The following DMD variants were observed in gnomAD, a reference collection of about 807,000 sequenced individuals.
DMD encodes dystrophin, also known as mutant dystrophin.
DMD carries 63 observed loss-of-function variants against 330.1 expected under a neutral mutation model. The observed-to-expected ratio is 0.19, with a 90% CI of 0.16 to 0.24. The LOEUF is 0.24. Ranked by LOEUF, DMD falls within the 10% of genes least tolerant of loss-of-function variation. The pLI, the probability that DMD is intolerant of heterozygous loss-of-function variation, is 1.00. For synonymous variants in DMD, 1,223 were observed against 959.8 expected (o/e 1.27, Z -5.07); for missense variants, 3,344 against 2,684.1 (o/e 1.25, Z -5.43).
chrX:32,611,389 G>A lies in DMD; in HGVS notation c.1482+2914C>T, dbSNP rs544144720. Among the ~76,000 whole-genome samples the A allele has an allele frequency of 1.8e-4, 20 of 110,826 alleles. 1 individual carries two copies. In the South Asian group the frequency reaches 7.1e-3, roughly 39 times the overall value. On this transcript the variant is annotated intron_variant, in intron 12 of 78. Coordinates refer to ENST00000357033, the MANE Select transcript of DMD (RefSeq NM_004006.3). ...AGGTAAAATGTTACATAATCAACTTGCATATACTCCTGTTGCCTTCTTTTG... is the reference window on the plus strand; with the variant it reads ...AGGTAAAATGTTACATAATCAACTTACATATACTCCTGTTGCCTTCTTTTG...
intron 41 of DMD, among the ~76,000 whole-genome samples, chrX:32,340,773 T>C (rs748720811): frequency 1.8e-5 from 2 of 112,047 alleles, no homozygotes; most frequent in South Asian, 3.7e-4. Context: ...GCTTGCTGGT[T>C]AGTGTAAGGT....
intron 7 of DMD, among the ~76,000 whole-genome samples, chrX:32,725,522 C>G (rs1018885585): frequency 9.1e-6 from 1 of 110,012 alleles, no homozygotes; most frequent in Non-Finnish European, 1.9e-5. Flanking sequence ...GATTTCAAGA[C>G]AAAAACAAAG....
At chrX:32,282,895 C>G (rs1487416319) in intron 43 of DMD, among the ~76,000 whole-genome samples, 1 of 112,166 alleles carries the variant, frequency 8.9e-6, no homozygotes, top group Non-Finnish European at 1.9e-5. Flanking sequence ...TTAACTATCT[C>G]TAATAATTTG....
At chrX:32,797,140 G>A (rs971642216) in intron 7 of DMD, among the ~76,000 whole-genome samples, 1 of 110,932 alleles carries the variant, frequency 9.0e-6, no homozygotes, top group East Asian at 2.8e-4. Flanking sequence ...GTGGGATGGG[G>A]GGACAGGGCC....
chrX:33,306,121 A>G (rs909557726), intron 1 of DMD, among the ~76,000 whole-genome samples: 2 of 111,771 alleles, frequency 1.8e-5, no homozygotes, highest in African/African-American at 6.5e-5. Context: ...TGAAATTGCA[A>G]TGAGAGAGCT....
intron 74 of DMD, among the ~76,000 whole-genome samples, chrX:31,167,346 C>T (rs2039524588): frequency 9.0e-6 from 1 of 111,421 alleles, no homozygotes; most frequent in South Asian, 3.8e-4. Flanking sequence ...TGTAAAAGTG[C>T]ACTCAAAATG....
chrX:32,100,707 G>A (rs774608796), intron 44 of DMD, among the ~76,000 whole-genome samples: 211 of 110,791 alleles, frequency 1.9e-3, no homozygotes, highest in African/African-American at 6.7e-3. Flanking sequence ...CCGTGCATCC[G>A]TCAAAGGCTT....
intron 7 of DMD, among the ~76,000 whole-genome samples, chrX:32,768,312 T>G (rs763560054): frequency 8.9e-6 from 1 of 111,906 alleles, no homozygotes; most frequent in Non-Finnish European, 1.9e-5. Flanking sequence ...CTGGATGTGT[T>G]TCTTGGAGAT....
intron 2 of DMD, among the ~76,000 whole-genome samples, chrX:32,922,473 T>C (rs1180489841): frequency 1.8e-5 from 2 of 112,306 alleles, no homozygotes; most frequent in Non-Finnish European, 3.8e-5. Context: ...CACCAGGGAC[T>C]GGTTTCGTGG....
intron 12 of DMD, among the ~76,000 whole-genome samples, chrX:32,612,288 A>G (rs1250251579): frequency 9.0e-6 from 1 of 111,192 alleles, no homozygotes; most frequent in Non-Finnish European, 1.9e-5. Context: ...CACTAATTCC[A>G]CTTCCTGTCC....
At chrX:31,946,953 G>A (rs1291075626) in intron 45 of DMD, among the ~76,000 whole-genome samples, 2 of 111,047 alleles carry the variant, frequency 1.8e-5, no homozygotes, top group Middle Eastern at 4.2e-3. Flanking sequence ...ATGAAAATGA[G>A]AGTAAAATAA....
chrX:31,731,884 T>G (rs935780551), intron 51 of DMD, among the ~76,000 whole-genome samples: 1 of 111,635 alleles, frequency 9.0e-6, no homozygotes, highest in Non-Finnish European at 1.9e-5. Context: ...TAAAAGTAAG[T>G]TGATCAACTT....
intron 2 of DMD, among the ~76,000 whole-genome samples, chrX:32,980,132 G>A (rs1220781509): frequency 9.1e-6 from 1 of 110,243 alleles, no homozygotes. Flanking sequence ...TTGGGAGGCC[G>A]AGGCGGGCAG....
At chrX:31,529,489 T>A (rs1169873197) in intron 55 of DMD, among the ~76,000 whole-genome samples, 1 of 112,106 alleles carries the variant, frequency 8.9e-6, no homozygotes, top group Non-Finnish European at 1.9e-5. Context: ...TAGATGAACC[T>A]ATAGCAGTCA....
At chrX:32,327,324 T>C (rs1050859986) in intron 41 of DMD, among the ~76,000 whole-genome samples, 1 of 111,536 alleles carries the variant, frequency 9.0e-6, no homozygotes, top group African/African-American at 3.3e-5. Context: ...TTGGATTTCA[T>C]GAACCTTAAA....
At chrX:33,045,236 T>G in intron 1 of DMD, among the ~76,000 whole-genome samples, 1 of 108,430 alleles carries the variant, frequency 9.2e-6, no homozygotes, top group Non-Finnish European at 1.9e-5. Flanking sequence ...TGATAACAAT[T>G]CACATGTTGA....
At chrX:31,451,802 C>T (rs1453688536) in intron 59 of DMD, among the ~76,000 whole-genome samples, 1 of 107,536 alleles carries the variant, frequency 9.3e-6, no homozygotes, top group Non-Finnish European at 1.9e-5. Context: ...TAGAGACATT[C>T]TCGACAATAA....
In DMD at chrX:32,542,513, C is replaced by G. The variant is rs898040871; in HGVS notation, c.2168+2646G>C. Among the ~76,000 whole-genome samples, 5 of 111,904 alleles carry G rather than the reference C, an allele frequency of 4.5e-5. No homozygotes were observed. In the Admixed American group the frequency reaches 4.7e-4, roughly 11 times the overall value. On this transcript the variant is annotated intron_variant, in intron 17 of 78. Transcript: ENST00000357033. ...ATAAGGCAGAAGGAATAAAACAAGT[C>G]AGGTAAAGAGTCGTGGGTGACAACT...
At chrX:32,267,177 A>C (rs1368048809) in intron 43 of DMD, among the ~76,000 whole-genome samples, 2 of 112,046 alleles carry the variant, frequency 1.8e-5, no homozygotes, top group African/African-American at 6.5e-5. Context: ...ATTTTCACTT[A>C]ACTTCACTTA....
Sources: gnomAD v4.1 joint callset for allele counts (sites outside exome capture counted in the v4.1 genomes callset) on GRCh38, gnomAD v4.1.1 for gene constraint, MANE v1.5 for transcripts, NCBI Gene and HGNC (gene_info 2026-07-23, HGNC 2026-07-21) for gene names.